Variants in ARHGAP15 observed in about 807,000 individuals in gnomAD.
ARHGAP15 encodes the protein Rho GTPase activating protein 15, also known as rho GTPase-activating protein 15.
Under a neutral mutation model 63.7 loss-of-function variants are expected in ARHGAP15, and 51 were observed. That is an observed-to-expected ratio of 0.80 (90% confidence interval 0.64 to 1.01). The LOEUF (loss-of-function observed/expected upper bound fraction) is 1.01. ARHGAP15 is among the 50% of genes least tolerant of loss of function. ARHGAP15 has a pLI of 0.00. For missense variants in ARHGAP15, 560 were observed against 564.6 expected (o/e 0.99, Z 0.08); for synonymous variants, 191 against 193.8 (o/e 0.99, Z 0.12).
intron 11 of ARHGAP15, among the ~76,000 whole-genome samples, chr2:143,558,442 C>G: frequency 6.6e-6 from 1 of 152,254 alleles, no homozygotes; most frequent in Non-Finnish European, 1.5e-5. Context: ...ACATTCACAT[C>G]TAACTTTTAA....
At chr2:143,696,334 GAATA>G (rs1683843680) in intron 12 of ARHGAP15, among the ~76,000 whole-genome samples, 1 of 150,626 alleles carries the variant, frequency 6.6e-6, no homozygotes, top group African/African-American at 2.4e-5. Context: ...ACACAGGCCT[GAATA>G]AATAGGGTTT....
chr2:143,520,653 A>G (rs765856000), intron 10 of ARHGAP15, among the ~76,000 whole-genome samples: 1 of 152,210 alleles, frequency 6.6e-6, no homozygotes, highest in Non-Finnish European at 1.5e-5. Flanking sequence ...TTTTATAAGT[A>G]CATTTTTAGG....
intron 11 of ARHGAP15, among the ~76,000 whole-genome samples, chr2:143,610,657 C>G (rs1698214327): frequency 1.3e-5 from 2 of 152,144 alleles, no homozygotes. Flanking sequence ...AGCTACACAT[C>G]AAAGAGCTTG....
chr2:143,244,588 C>A (rs1284372662), intron 5 of ARHGAP15, among the ~76,000 whole-genome samples: 3 of 152,214 alleles, frequency 2.0e-5, no homozygotes, highest in African/African-American at 7.2e-5. Context: ...ACGGATGTAG[C>A]GTAGCTGGTG....
At chr2:143,508,030 A>C (rs1472426015) in intron 9 of ARHGAP15, among the ~76,000 whole-genome samples, 5 of 147,576 alleles carry the variant, frequency 3.4e-5, no homozygotes, top group African/African-American at 1.3e-4. Flanking sequence ...ATATCATGTC[A>C]CCCCCCCCTC....
chr2:143,250,893 A>G (rs1286938074), intron 6 of ARHGAP15, among the ~76,000 whole-genome samples: 1 of 152,020 alleles, frequency 6.6e-6, no homozygotes, highest in Admixed American at 6.6e-5. Context: ...CAAACATGGG[A>G]TGTTTGACTT....
chr2:143,759,892 G>C (rs1309747552), intron 13 of ARHGAP15, among the ~76,000 whole-genome samples: 1 of 152,162 alleles, frequency 6.6e-6, no homozygotes, highest in African/African-American at 2.4e-5. Flanking sequence ...AGAATCTCTG[G>C]GAATGGATTC....
chr2:143,439,399 G>GGC (rs1478101847), intron 8 of ARHGAP15, among the ~76,000 whole-genome samples: 1 of 94,012 alleles, frequency 1.1e-5, no homozygotes, highest in African/African-American at 3.9e-5. Context: ...CTCCAGCCTG[G>GGC]GCGACAGAGC....
intron 6 of ARHGAP15, among the ~76,000 whole-genome samples, chr2:143,273,721 TCTTA>T (rs1681411950): frequency 6.6e-6 from 1 of 152,166 alleles, no homozygotes; most frequent in African/African-American, 2.4e-5. Flanking sequence ...CTTCTGCTAA[TCTTA>T]CTTTGTAAAT....
intron 5 of ARHGAP15, among the ~76,000 whole-genome samples, chr2:143,240,719 A>T (rs1330364849): frequency 6.6e-6 from 1 of 152,214 alleles, no homozygotes; most frequent in African/African-American, 2.4e-5. Flanking sequence ...ACAGTTCAAA[A>T]TCTGGAGGAT....
At chr2:143,333,496 G>A (rs549279809) in intron 6 of ARHGAP15, among the ~76,000 whole-genome samples, 1 of 152,186 alleles carries the variant, frequency 6.6e-6, no homozygotes, top group African/African-American at 2.4e-5. Flanking sequence ...TGAAGAAAAC[G>A]GCTTTTGGAG....
intron 12 of ARHGAP15, among the ~76,000 whole-genome samples, chr2:143,658,081 A>G (rs138199581): frequency 2.0e-5 from 3 of 152,360 alleles, no homozygotes; most frequent in East Asian, 1.9e-4. Flanking sequence ...TTCATCTTTT[A>G]GAGCACTGGA....
At chr2:143,513,490 G>A (rs1303427086) in intron 9 of ARHGAP15, among the ~76,000 whole-genome samples, 2 of 152,102 alleles carry the variant, frequency 1.3e-5, no homozygotes, top group Admixed American at 1.3e-4. Flanking sequence ...TCTTAAAATA[G>A]GAGTCTATTT....
At chr2:143,586,675 ATAT>A (rs1697121623) in intron 11 of ARHGAP15, among the ~76,000 whole-genome samples, 1 of 137,118 alleles carries the variant, frequency 7.3e-6, no homozygotes, top group African/African-American at 3.0e-5. Context: ...TAATATGTAA[ATAT>A]TTTTTTTTTA....
intron 6 of ARHGAP15, among the ~76,000 whole-genome samples, chr2:143,277,404 C>T (rs1681613339): frequency 6.6e-6 from 1 of 151,890 alleles, no homozygotes; most frequent in East Asian, 1.9e-4. Flanking sequence ...AATGTCCCCC[C>T]AGGCCTTAGA....
chr2:143,682,429 TTAAG>T (rs1480974540), intron 12 of ARHGAP15, among the ~76,000 whole-genome samples: 1 of 151,686 alleles, frequency 6.6e-6, no homozygotes, highest in Non-Finnish European at 1.5e-5. Flanking sequence ...GAATGTGACT[TTAAG>T]AAATAGAATT....
chr2:143,362,947 A>T (rs1365794699), intron 6 of ARHGAP15, among the ~76,000 whole-genome samples: 2 of 151,960 alleles, frequency 1.3e-5, no homozygotes, highest in Non-Finnish European at 1.5e-5. Context: ...TTATGTTCTA[A>T]CTCTCCTATC....
intron 10 of ARHGAP15, among the ~76,000 whole-genome samples, chr2:143,527,271 G>A (rs1217734087): frequency 6.6e-6 from 1 of 151,854 alleles, no homozygotes; most frequent in Non-Finnish European, 1.5e-5. Flanking sequence ...ATATTTTTTT[G>A]TACAGGATAT....
intron 2 of ARHGAP15, among the ~76,000 whole-genome samples, chr2:143,185,625 C>CCTT (rs1691415479): frequency 6.6e-6 from 1 of 152,116 alleles, no homozygotes; most frequent in African/African-American, 2.4e-5. Context: ...CCCGATAGAT[C>CCTT]CTTGTTTCAT....
Sources: allele counts gnomAD v4.1 joint callset (sites outside exome capture counted in the v4.1 genomes callset), GRCh38; gene constraint gnomAD v4.1.1; transcripts MANE v1.5; gene names NCBI Gene and HGNC (gene_info 2026-07-23, HGNC 2026-07-21).